The following SPATS1 variants were observed in gnomAD, a reference collection of about 807,000 sequenced individuals.
SPATS1 encodes the protein spermatogenesis-associated serine-rich protein 1.
In SPATS1, 23 loss-of-function variants were observed where a neutral mutation model predicts 33.6. The observed-to-expected ratio is 0.68, with a 90% CI of 0.49 to 0.97. The LOEUF is 0.97. Among genes scored for constraint, SPATS1 ranks in the 50% least tolerant of loss-of-function variants. The pLI, the probability that SPATS1 is intolerant of heterozygous loss-of-function variation, is 0.00. For missense variants in SPATS1, 327 were observed against 361.0 expected, an observed-to-expected ratio of 0.91 and a Z score of 0.76; for synonymous variants, 131 against 125.6, an observed-to-expected ratio of 1.04 and a Z score of -0.29.
At chr6:44,369,042 G>A (rs926028780) in intron 6 of SPATS1, among the ~76,000 whole-genome samples, 7 of 151,856 alleles carry the variant, frequency 4.6e-5, no homozygotes, top group African/African-American at 7.3e-5. Flanking sequence ...GACTACAGGT[G>A]CCCGCCACCA....
chr6:44,359,715 A>G (rs546009680), intron 3 of SPATS1, among the ~76,000 whole-genome samples: 2 of 151,894 alleles, frequency 1.3e-5, no homozygotes, highest in Non-Finnish European at 2.9e-5. Flanking sequence ...GATTACAGGC[A>G]TGCACTACCA....
intron 3 of SPATS1, among the ~76,000 whole-genome samples, 192 bp from the exon 4 acceptor site, chr6:44,360,254 C>T (rs1397058862): frequency 6.6e-6 from 1 of 152,206 alleles, no homozygotes; most frequent in Non-Finnish European, 1.5e-5. Context: ...AGGCGTGTGC[C>T]ACTGAATACC....
At chr6:44,370,246 C>T in intron 7 of SPATS1, 133 bp downstream of exon 7, 3 of 741,120 alleles carry the variant, frequency 4.0e-6, no homozygotes, top group Non-Finnish European at 4.4e-6. Context: ...GAGGGTGGGG[C>T]AGTTTGTAAG....
intron 3 of SPATS1, 99 bp downstream of exon 3, chr6:44,352,972 G>A: frequency 7.6e-7 from 1 of 1,321,582 alleles, no homozygotes; most frequent in Admixed American, 2.1e-5. Flanking sequence ...CAAGAGCATG[G>A]ATTCTGGAGC....
intron 2 of SPATS1, among the ~76,000 whole-genome samples, chr6:44,351,535 A>C (rs929578790): frequency 1.4e-4 from 21 of 152,180 alleles, no homozygotes; most frequent in Admixed American, 1.2e-3. Context: ...CCATCTATTG[A>C]GCTTTAGTGC....
intron 2 of SPATS1, among the ~76,000 whole-genome samples, chr6:44,350,343 A>G (rs1185742999): frequency 6.6e-6 from 1 of 152,200 alleles, no homozygotes; most frequent in African/African-American, 2.4e-5. Flanking sequence ...CAAGAAGGAG[A>G]TTACTGCCAA....
rs55976441 is a variant in SPATS1, at chr6:44,379,599, C to CAAAAA, written c.*2560_*2564dup. Among the ~76,000 whole-genome samples, 7 of 54,744 alleles carry CAAAAA rather than the reference C, an allele frequency of 1.3e-4. No individual in the cohort carries two copies. Among genetic ancestry groups the CAAAAA allele is most frequent in the Admixed American group, 3.0e-4 (1 of 3,314 alleles). 35.9% of individuals were successfully genotyped at this position (54,744 alleles called of 152,430 possible). A position where few individuals can be genotyped will look rare whatever the true frequency, so the allele number is the denominator to read the frequency against. On this transcript the variant is annotated 3_prime_UTR_variant, in exon 9 of 9. Coordinates refer to ENST00000674044, the MANE Select transcript of SPATS1 (RefSeq NM_001372081.1). ...TGGGCAACAGAGTGAGACTCTGTCT[C>CAAAAA]AAAAAAAAAAAAAAAAAAAAAAAAA... is the stretch of plus-strand genomic sequence containing the variant.
intron 1 of SPATS1, 61 bp downstream of exon 1, chr6:44,342,829 C>T: frequency 9.2e-7 from 1 of 1,090,544 alleles, no homozygotes; most frequent in Non-Finnish European, 1.3e-6. Flanking sequence ...TGGGAAGACC[C>T]CGAGGTGGAA....
At position 44,364,788 on chromosome 6, in the gene SPATS1, CTCTT is replaced by C. The variant is rs3083980; in HGVS notation, c.574+2814_574+2817del. The stretch of plus-strand genomic sequence containing the variant: ...CTTTTTCTTTTTCTTCTTTTCTTTT[CTCTT>C]TCTTTCTTTCTTTCTTTTTTTTTTA... On this transcript the variant is annotated intron_variant, in intron 5 of 8. Transcript: ENST00000674044. Among the ~76,000 whole-genome samples the C allele has an allele frequency of 6.5e-3, 934 of 143,660 alleles. 5 individuals are homozygous for C. The highest frequency in any genetic ancestry group is 9.1e-3 in the South Asian group (41 of 4,528). 94.2% of individuals were successfully genotyped at this position (143,660 alleles called of 152,430 possible). A position where few individuals can be genotyped will look rare whatever the true frequency, so the allele number is the denominator to read the frequency against.
chr6:44,349,731 A>C (rs534569948), intron 2 of SPATS1, among the ~76,000 whole-genome samples: 3 of 152,312 alleles, frequency 2.0e-5, no homozygotes, highest in African/African-American at 7.2e-5. Flanking sequence ...GAATCCCACA[A>C]GTTTTGATAT....
intron 6 of SPATS1, among the ~76,000 whole-genome samples, chr6:44,369,164 G>A (rs1321207251): frequency 6.6e-6 from 1 of 152,026 alleles, no homozygotes; most frequent in African/African-American, 2.4e-5. Flanking sequence ...CCAAAGTGCT[G>A]GGTAGTTGGT....
chr6:44,372,616 C>T (rs548581052), intron 7 of SPATS1, among the ~76,000 whole-genome samples: 4 of 152,186 alleles, frequency 2.6e-5, no homozygotes, highest in Admixed American at 2.6e-4. Context: ...CACGTGCCAC[C>T]ACACCCAGCT....
intron 2 of SPATS1, among the ~76,000 whole-genome samples, chr6:44,351,577 A>C (rs900271828): frequency 7.9e-5 from 12 of 152,228 alleles, no homozygotes; most frequent in Admixed American, 6.5e-5. Context: ...AAATATGCAT[A>C]ATCTTTTCAT....
chr6:44,350,640 C>T (rs76648464), intron 2 of SPATS1, among the ~76,000 whole-genome samples: 1,562 of 152,064 alleles, frequency 0.01, 19 homozygotes, highest in African/African-American at 0.034. Flanking sequence ...GGTGATAGAT[C>T]GGGACTTGAT....
intron 3 of SPATS1, among the ~76,000 whole-genome samples, chr6:44,356,125 A>G (rs1333347595): frequency 6.6e-6 from 1 of 152,106 alleles, no homozygotes; most frequent in Admixed American, 6.5e-5. Context: ...CCTTGACTGA[A>G]CTTCTCATCA....
intron 2 of SPATS1, among the ~76,000 whole-genome samples, chr6:44,348,333 C>T (rs1183817085): frequency 6.6e-6 from 1 of 151,982 alleles, no homozygotes; most frequent in Non-Finnish European, 1.5e-5. Flanking sequence ...TTTTCTTGAA[C>T]CTTGTTTATC....
chr6:44,374,939 G>A (rs1212652206), intron 7 of SPATS1, among the ~76,000 whole-genome samples: 1 of 152,140 alleles, frequency 6.6e-6, no homozygotes, highest in African/African-American at 2.4e-5. Context: ...CCTACCCCCA[G>A]CAGTTTTATC....
chr6:44,351,122 CAAAAA>C (rs34139961), intron 2 of SPATS1, among the ~76,000 whole-genome samples: 54 of 75,502 alleles, frequency 7.2e-4, no homozygotes, highest in East Asian at 4.9e-3. Flanking sequence ...GACTCTGTGT[CAAAAA>C]AAAAAAAAAA....
rs1430324796 is a variant in SPATS1, at chr6:44,379,209, G to C, written c.*2146G>C. ...AAAAAGATTCTGCAGAGATTTCCTGGTGAGATTATCTAGGTGGCACAGGAA... is the reference window on the plus strand; with the variant it reads ...AAAAAGATTCTGCAGAGATTTCCTGCTGAGATTATCTAGGTGGCACAGGAA... On this transcript the variant is annotated 3_prime_UTR_variant, in exon 9 of 9. Transcript: ENST00000674044. Among the ~76,000 whole-genome samples the C allele has an allele frequency of 4.6e-5, 7 of 152,140 alleles. No homozygotes were observed. Among genetic ancestry groups the C allele is most frequent in the African/African-American group, 1.7e-4 (7 of 41,424 alleles).
Sources: allele counts gnomAD v4.1 joint callset (sites outside exome capture counted in the v4.1 genomes callset), GRCh38; gene constraint gnomAD v4.1.1; transcripts MANE v1.5; gene names NCBI Gene and HGNC (gene_info 2026-07-23, HGNC 2026-07-21).